AGBL4: variants seen among roughly 807,000 people sequenced by gnomAD.
The protein encoded by AGBL4 is AGBL carboxypeptidase 4.
Under a neutral mutation model 66.4 loss-of-function variants are expected in AGBL4, and 58 were observed. That is an observed-to-expected ratio of 0.87 (90% confidence interval 0.71 to 1.09). AGBL4 has a LOEUF of 1.09. Ranked by LOEUF, AGBL4 falls within the 50% of genes least tolerant of loss-of-function variation. The pLI, the probability that AGBL4 is intolerant of heterozygous loss-of-function variation, is 0.00. For missense variants in AGBL4, 579 were observed against 631.0 expected, an observed-to-expected ratio of 0.92 and a Z score of 0.88; for synonymous variants, 234 against 222.9, an observed-to-expected ratio of 1.05 and a Z score of -0.44.
At chr1:49,951,632 G>A (rs544705715) in intron 1 of AGBL4, among the ~76,000 whole-genome samples, 64 of 151,766 alleles carry the variant, frequency 4.2e-4, no homozygotes, top group Non-Finnish European at 8.0e-4. Flanking sequence ...TATTCACATA[G>A]TTTACTACGG....
chr1:48,613,681 G>A (rs1475671693), intron 9 of AGBL4, among the ~76,000 whole-genome samples: 1 of 152,166 alleles, frequency 6.6e-6, no homozygotes, highest in Non-Finnish European at 1.5e-5. Flanking sequence ...CCCAGATAGG[G>A]GTGACACCTT....
chr1:49,409,979 T>A (rs1645283638), intron 3 of AGBL4, among the ~76,000 whole-genome samples: 1 of 152,196 alleles, frequency 6.6e-6, no homozygotes, highest in Admixed American at 6.5e-5. Context: ...ACTTTCTTCT[T>A]GAAACTAGGT....
chr1:49,811,417 G>T (rs1041459296), intron 2 of AGBL4, among the ~76,000 whole-genome samples: 9 of 152,062 alleles, frequency 5.9e-5, no homozygotes, highest in Non-Finnish European at 1.2e-4. Flanking sequence ...AAAGAGAATG[G>T]CTTTCTTGGG....
At position 49,563,374 on chromosome 1, in the gene AGBL4, C is replaced by G. The variant is rs1288737249; in HGVS notation, c.282+133939G>C. Reference sequence around the variant, plus strand: ...AATAGGAGTGGTGAGAGACGGCATCCCTGTCTTGTGCCAGTTTTCAAAGGG... The same window carrying G: ...AATAGGAGTGGTGAGAGACGGCATCGCTGTCTTGTGCCAGTTTTCAAAGGG... On this transcript the variant is annotated intron_variant, in intron 3 of 13. Coordinates refer to ENST00000371839, the MANE Select transcript of AGBL4 (RefSeq NM_032785.4). 2.0e-5 allele frequency among the ~76,000 whole-genome samples: 3 copies of G among 152,082 alleles called. No homozygotes were observed. In the East Asian group the frequency reaches 5.8e-4, roughly 29 times the overall value.
chr1:49,183,873 C>T (rs1401749874), intron 4 of AGBL4, among the ~76,000 whole-genome samples: 1 of 152,170 alleles, frequency 6.6e-6, no homozygotes, highest in Non-Finnish European at 1.5e-5. Context: ...TCACTGGCCA[C>T]TCCATGTGGT....
At chr1:49,782,139 A>C (rs2147907537) in intron 2 of AGBL4, among the ~76,000 whole-genome samples, 1 of 152,024 alleles carries the variant, frequency 6.6e-6, no homozygotes, top group Non-Finnish European at 1.5e-5. Flanking sequence ...AATGAAGCAG[A>C]GGCTAGAAAA....
At chr1:50,008,760 C>T (rs1476138789) in intron 1 of AGBL4, among the ~76,000 whole-genome samples, 1 of 151,762 alleles carries the variant, frequency 6.6e-6, no homozygotes, top group Non-Finnish European at 1.5e-5. Flanking sequence ...AAACTTTAGC[C>T]AGACTCAGAA....
chr1:48,720,813 G>A (rs1348587324), intron 6 of AGBL4, among the ~76,000 whole-genome samples: 12 of 152,040 alleles, frequency 7.9e-5, no homozygotes, highest in Admixed American at 7.2e-4. Context: ...TCCTCTGAGT[G>A]TTAAGGTACA....
chr1:49,756,004 C>T (rs1271755801), intron 2 of AGBL4, among the ~76,000 whole-genome samples: 3 of 152,208 alleles, frequency 2.0e-5, no homozygotes, highest in African/African-American at 7.2e-5. Context: ...GTTCCAGACT[C>T]ACGCCAAAAT....
chr1:49,130,397 G>A (rs1247137828), intron 4 of AGBL4, among the ~76,000 whole-genome samples: 3 of 152,174 alleles, frequency 2.0e-5, no homozygotes, highest in East Asian at 1.9e-4. Flanking sequence ...CCATGCCTAT[G>A]TCCTGAATGG....
At chr1:48,881,995 C>G (rs1222732940) in intron 5 of AGBL4, among the ~76,000 whole-genome samples, 1 of 152,150 alleles carries the variant, frequency 6.6e-6, no homozygotes, top group Non-Finnish European at 1.5e-5. Flanking sequence ...ATGCCTGTAA[C>G]CCCAGTGCTT....
chr1:48,907,635 G>T (rs1036576146), intron 5 of AGBL4, among the ~76,000 whole-genome samples: 4 of 152,160 alleles, frequency 2.6e-5, no homozygotes, highest in African/African-American at 9.7e-5. Context: ...ATTCACATCT[G>T]CAATCTTTTG....
chr1:49,171,604 C>G (rs1012083611), intron 4 of AGBL4, among the ~76,000 whole-genome samples: 1 of 152,110 alleles, frequency 6.6e-6, no homozygotes, highest in African/African-American at 2.4e-5. Context: ...ATATGATAGT[C>G]ATTCCACTGA....
At chr1:48,820,657 G>T (rs1646290721) in intron 6 of AGBL4, among the ~76,000 whole-genome samples, 1 of 152,114 alleles carries the variant, frequency 6.6e-6, no homozygotes, top group Non-Finnish European at 1.5e-5. Flanking sequence ...AATATCAGCT[G>T]TTCCTAGGTC....
intron 4 of AGBL4, among the ~76,000 whole-genome samples, chr1:49,057,065 C>T (rs920067281): frequency 6.6e-6 from 1 of 152,078 alleles, no homozygotes; most frequent in Non-Finnish European, 1.5e-5. Flanking sequence ...CTTCCTTTTT[C>T]CTACTCTTCC....
intron 3 of AGBL4, among the ~76,000 whole-genome samples, chr1:49,571,541 T>C (rs980842360): frequency 6.6e-5 from 10 of 152,118 alleles, no homozygotes; most frequent in African/African-American, 2.4e-4. Flanking sequence ...TGACTTCCTC[T>C]ATACTGATTT....
intron 3 of AGBL4, chr1:49,269,387 A>G (rs1365548798): frequency 2.6e-5 from 4 of 152,222 alleles, no homozygotes; most frequent in African/African-American, 9.6e-5. Flanking sequence ...ATGGCTGTTC[A>G]AAGAGCCAAC....
intron 6 of AGBL4, among the ~76,000 whole-genome samples, chr1:48,851,497 T>C (rs1408938995): frequency 6.6e-6 from 1 of 152,108 alleles, no homozygotes; most frequent in Admixed American, 6.6e-5. Flanking sequence ...TGATATGAGA[T>C]GCTTCCCTAT....
intron 3 of AGBL4, among the ~76,000 whole-genome samples, chr1:49,600,387 T>A (rs1282621958): frequency 6.6e-6 from 1 of 152,210 alleles, no homozygotes; most frequent in Non-Finnish European, 1.5e-5. Context: ...TCTCTTTTGA[T>A]CTTTGTTGGT....
Sources: gnomAD v4.1 joint callset for allele counts (sites outside exome capture counted in the v4.1 genomes callset) on GRCh38, gnomAD v4.1.1 for gene constraint, MANE v1.5 for transcripts, NCBI Gene and HGNC (gene_info 2026-07-23, HGNC 2026-07-21) for gene names.